CACNA1S: variants seen among roughly 807,000 people sequenced by gnomAD.
The protein encoded by CACNA1S is calcium voltage-gated channel subunit alpha1 S.
In CACNA1S, 126 loss-of-function variants were observed where a neutral mutation model predicts 207.4. That is an observed-to-expected ratio of 0.61 (90% CI 0.53 to 0.70). CACNA1S has a LOEUF of 0.70. Ranked by LOEUF, CACNA1S falls within the 30% of genes least tolerant of loss-of-function variation. The pLI is 0.00. For missense variants in CACNA1S, 2,349 were observed against 2,422.8 expected (o/e 0.97, Z 0.64); for synonymous variants, 960 against 932.7 (o/e 1.03, Z -0.53).
intron 10 of CACNA1S, among the ~76,000 whole-genome samples, 161 bp downstream of exon 10, chr1:201,083,001 T>C (rs1661892888): frequency 6.6e-6 from 1 of 152,182 alleles, no homozygotes; most frequent in Non-Finnish European, 1.5e-5. Flanking sequence ...AAGGAGCTGA[T>C]TAGGTCATAT....
At chr1:201,047,862 C>T (rs1431254838) in intron 36 of CACNA1S, among the ~76,000 whole-genome samples, 4 of 152,232 alleles carry the variant, frequency 2.6e-5, no homozygotes, top group African/African-American at 2.4e-5. Flanking sequence ...TTCCAGTGCC[C>T]AGAGTGGTTG....
chr1:201,082,333 A>AC (rs1661869221), intron 10 of CACNA1S, among the ~76,000 whole-genome samples: 1 of 151,754 alleles, frequency 6.6e-6, no homozygotes. Context: ...GGCCTCAGGT[A>AC]TTTTTTTTAT....
chr1:201,076,879 G>A, intron 12 of CACNA1S, 41 bp downstream of exon 12: 3 of 1,564,136 alleles, frequency 1.9e-6, no homozygotes, highest in Non-Finnish European at 2.6e-6. Context: ...GCAGGATTCA[G>A]CAACCGTTCA....
chr1:201,039,858 C>T lies in CACNA1S; in HGVS notation c.5595G>A (p.Gln1865=). ...ACAGCCTTGGAGGAATAAGGGTCTC[C>T]TGGGAGCCCTGGTGTTGGTCGAGGC... is the stretch of plus-strand genomic sequence containing the variant. ...LGSLDQHQGS[Q]ETLIPPRL Residue 1865 remains glutamine, a synonymous_variant, in exon 44 of 44, where the codon CAG becomes CAA. Coordinates refer to ENST00000362061, the MANE Select transcript of CACNA1S (RefSeq NM_000069.3). The T allele has an allele frequency of 6.2e-7, 1 of 1,608,556 alleles. No homozygotes were observed. The highest frequency in any genetic ancestry group is 8.5e-7 in the Non-Finnish European group (1 of 1,180,004).
chr1:201,074,605 A>G lies in CACNA1S; in HGVS notation c.1964T>C (p.Val655Ala). 3.7e-6 allele frequency: 6 copies of G among 1,612,498 alleles called. No homozygotes were observed. Among genetic ancestry groups the G allele is most frequent in the Non-Finnish European group, 5.1e-6 (6 of 1,178,666 alleles). The change falls in exon 14 of 44, where the codon GTC becomes GCC. Residue 655 changes from valine (V) to alanine (A), a missense_variant. Physicochemically the swap from Val to Ala is moderately conservative, Grantham distance 64. Coordinates refer to ENST00000362061, the MANE Select transcript of CACNA1S (RefSeq NM_000069.3). ...FVCGNYILLN[V>A]FLAIAVDNLA... Reference sequence around the variant, plus strand: ...GTTGTCCACGGCAATGGCCAGGAAGACATTGAGCAGGATGTCTGAGCGGGT... The same window carrying G: ...GTTGTCCACGGCAATGGCCAGGAAGGCATTGAGCAGGATGTCTGAGCGGGT...
In CACNA1S at chr1:201,103,051, C is replaced by T. The variant is rs377106168; in HGVS notation, c.258+7113G>A. The stretch of plus-strand genomic sequence containing the variant: ...GAAAAGAAAGATATTGTGGACCAGC[C>T]TGACCAACATGGTGAAACCCTGTCT... On this transcript the variant is annotated intron_variant, in intron 2 of 43. Coordinates refer to ENST00000362061, the MANE Select transcript of CACNA1S (RefSeq NM_000069.3). Among the ~76,000 whole-genome samples the T allele has an allele frequency of 3.1e-3, 468 of 152,214 alleles. 3 individuals carry two copies. The highest frequency in any genetic ancestry group is 0.014 in the Middle Eastern group (4 of 294).
Position 201,065,829 on chromosome 1 carries a change from G to A in CACNA1S, c.2853+9C>T. On this transcript the variant is annotated intron_variant, in intron 22 of 43. Coordinates refer to ENST00000362061, the MANE Select transcript of CACNA1S (RefSeq NM_000069.3). ...GGAGGGGGAGCTGCTCGCGCAGGCT[G>A]GGGCTCACCTTGAAGAGCTGGACGC... 1 of 1,604,616 alleles carries A rather than the reference G, an allele frequency of 6.2e-7. No homozygotes were observed. The highest frequency in any genetic ancestry group is 1.1e-5 in the South Asian group (1 of 90,868).
chr1:201,076,254 T>A (rs1661617038), intron 12 of CACNA1S, among the ~76,000 whole-genome samples: 1 of 152,188 alleles, frequency 6.6e-6, no homozygotes, highest in Non-Finnish European at 1.5e-5. Flanking sequence ...TCGAGTCTCT[T>A]GAAAGGCCGG....
rs1211643589 is a variant in CACNA1S, at chr1:201,089,278, AT to A, written c.879del (p.Trp294GlyfsTer40). 6.2e-7 allele frequency: 1 copy of A among 1,614,250 alleles called. No individual in the cohort carries two copies. Among genetic ancestry groups the A allele is most frequent in the Non-Finnish European group, 8.5e-7 (1 of 1,180,036 alleles). Reference sequence around the variant, plus strand: ...CCCACCCAGTAAAGGACGTCAGTCCATCCCTCCATGGTAATGCACTGGTACA... The same window carrying A: ...CCCACCCAGTAAAGGACGTCAGTCCACCCTCCATGGTAATGCACTGGTACA... ...LTVYQCITME[G>X]WTDVLYWVND... On this transcript the variant is annotated frameshift_variant, in exon 6 of 44. Transcript: ENST00000362061. LOFTEE classifies it high-confidence loss of function.
Position 201,065,929 on chromosome 1 carries a change from A to G in CACNA1S, c.2762T>C (p.Met921Thr), listed in dbSNP as rs765793568. The stretch of plus-strand genomic sequence containing the variant: ...CCCGATGGTGCTGATGGCCACGAAC[A>G]TGCACTGCACCACGTGCTGGGGACA... ...AKGLKHVVQCMFVAISTIGNI... is the reference protein window; with the variant it reads ...AKGLKHVVQCTFVAISTIGNI... Residue 921 changes from methionine (M) to threonine (T), a missense_variant, in exon 22 of 44, where the codon ATG (methionine) becomes ACG (threonine). Coordinates refer to ENST00000362061, the MANE Select transcript of CACNA1S (RefSeq NM_000069.3). The G allele has an allele frequency of 3.1e-6, 5 of 1,613,094 alleles. No individual in the cohort carries two copies. The Admixed American group carries it at 5.0e-5, about 16-fold the overall frequency.
In CACNA1S at chr1:201,048,698, C is replaced by T. The variant is rs200570483; in HGVS notation, c.4339-14G>A. ...GCCCACCAGCCGCTGTACAGGGAGA[C>T]GCAGTGGCCTGCCGCTGAGCTGGGA... On this transcript the variant is annotated splice_polypyrimidine_tract_variant and intron_variant, in intron 35 of 43. Coordinates refer to ENST00000362061, the MANE Select transcript of CACNA1S (RefSeq NM_000069.3). 4.6e-4 allele frequency: 738 copies of T among 1,607,146 alleles called. No homozygotes were observed. Among genetic ancestry groups the T allele is most frequent in the African/African-American group, 8.5e-4 (64 of 74,970 alleles).
chr1:201,070,325 C>T lies in CACNA1S; in HGVS notation c.2307G>A (p.Lys769=). The T allele has an allele frequency of 6.2e-7, 1 of 1,614,134 alleles. No homozygotes were observed. Among genetic ancestry groups the T allele is most frequent in the Middle Eastern group, 1.7e-4 (1 of 6,056 alleles). Residue 769 remains lysine, a synonymous_variant, in exon 17 of 44, where the codon AAG becomes AAA. Coordinates refer to ENST00000362061, the MANE Select transcript of CACNA1S (RefSeq NM_000069.3). The part of the protein sequence containing the change: ...RPLAELQLKE[K]AVPIPEASSF... ...AGCTGGCTTCTGGAATGGGCACGGC[C>T]TTCTCTTTCAGCTGCAGCTCAGCCA...
At position 201,069,134 on chromosome 1, in the gene CACNA1S, C is replaced by A; in HGVS notation, c.2550+3G>T. 6.2e-7 allele frequency: 1 copy of A among 1,613,838 alleles called. No individual in the cohort carries two copies. The highest frequency in any genetic ancestry group is 1.3e-5 in the African/African-American group (1 of 75,058). ...CCAGGGCTGCCCCACAGCCTTCACT[C>A]ACCTTGAGGACAATCTCCACAGTGA... On this transcript the variant is annotated splice_donor_region_variant and intron_variant, in intron 19 of 43. Coordinates refer to ENST00000362061, the MANE Select transcript of CACNA1S (RefSeq NM_000069.3).
chr1:201,083,471 G>T, intron 9 of CACNA1S, 149 bp from the exon 10 acceptor site: 1 of 744,966 alleles, frequency 1.3e-6, no homozygotes, highest in Non-Finnish European at 2.4e-6. Context: ...ATGAGCTAGG[G>T]AGCCAGACTG....
At chr1:201,046,561 G>A (rs1190962609) in intron 38 of CACNA1S, among the ~76,000 whole-genome samples, 1 of 145,690 alleles carries the variant, frequency 6.9e-6, no homozygotes, top group African/African-American at 2.5e-5. Context: ...TTTTTCTTTT[G>A]AGACACAGTC....
At chr1:201,059,005 G>C (rs1660948680) in intron 27 of CACNA1S, among the ~76,000 whole-genome samples, 184 bp downstream of exon 27, 1 of 152,216 alleles carries the variant, frequency 6.6e-6, no homozygotes, top group African/African-American at 2.4e-5. Flanking sequence ...GTCAATTCTG[G>C]CTGCATGAAG....
Position 201,069,176 on chromosome 1 carries a change from G to C in CACNA1S, c.2511C>G (p.Ile837Met), listed in dbSNP as rs764647345. ...CCACAGTGAAGACAGAGGTGAACCCGATGTCAAAGTGTTTAAGGATCTGGG... is the reference window on the plus strand; with the variant it reads ...CCACAGTGAAGACAGAGGTGAACCCCATGTCAAAGTGTTTAAGGATCTGGG... The part of the protein sequence containing the change: ...MRNQILKHFD[I>M]GFTSVFTVEI... The change falls in exon 19 of 44, where the codon ATC (isoleucine) becomes ATG (methionine). Residue 837 changes from isoleucine to methionine, a missense_variant. Transcript: ENST00000362061. 6.2e-6 allele frequency: 10 copies of C among 1,614,010 alleles called. No homozygotes were observed. Among genetic ancestry groups the C allele is most frequent in the African/African-American group, 2.7e-5 (2 of 74,934 alleles).
At position 201,110,133 on chromosome 1, in the gene CACNA1S, G is replaced by T. The variant is rs116259814; in HGVS notation, c.258+31C>A. ...TCCCCAAGCCTGGGGCTGCAGGCTC[G>T]CAGGAAGGGAGATGGAAGGGCCAAT... On this transcript the variant is annotated intron_variant, in intron 2 of 43. Coordinates refer to ENST00000362061, the MANE Select transcript of CACNA1S (RefSeq NM_000069.3). 8.3e-4 allele frequency: 1,315 copies of T among 1,592,124 alleles called. 8 individuals are homozygous for T. The African/African-American group carries it at 0.014, about 17-fold the overall frequency.
Position 201,069,478 on chromosome 1 carries a change from T to G in CACNA1S, c.2484A>C (p.Arg828Ser). The change falls in exon 18 of 44, where the codon AGA becomes AGC. Residue 828 changes from arginine (R) to serine (S), a missense_variant. By Grantham distance (110) the Arg-to-Ser change is moderately radical (BLOSUM62 -1). Transcript: ENST00000362061. ...AEDPIRADSMRNQILKHFDIG... is the reference protein window; with the variant it reads ...AEDPIRADSMSNQILKHFDIG... The stretch of plus-strand genomic sequence containing the variant: ...AGAGGGTGAAGCCCGTCACCTGATT[T>G]CTCATGGAATCAGCCCGGATGGGGT... 1 of 1,605,124 alleles carries G rather than the reference T, an allele frequency of 6.2e-7. No individual in the cohort carries two copies. The highest frequency in any genetic ancestry group is 2.2e-5 in the East Asian group (1 of 44,558).
Sources: gnomAD v4.1 joint callset for allele counts (sites outside exome capture counted in the v4.1 genomes callset) on GRCh38, gnomAD v4.1.1 for gene constraint, MANE v1.5 for transcripts, NCBI Gene and HGNC (gene_info 2026-07-23, HGNC 2026-07-21) for gene names.